MAGI1: variants seen among roughly 807,000 people sequenced by gnomAD.
The protein encoded by MAGI1 is membrane associated guanylate kinase, WW and PDZ domain containing 1.
A neutral mutation model predicts 139.9 loss-of-function variants in MAGI1; 58 were observed. That is an observed-to-expected ratio of 0.41 (90% CI 0.34 to 0.52). MAGI1 has a LOEUF of 0.52. Among genes scored for constraint, MAGI1 ranks in the 20% least tolerant of loss-of-function variants. The probability of loss-of-function intolerance (pLI) is 0.12; values close to 1 mark genes in which losing one functional copy is unlikely to be tolerated. For missense variants in MAGI1, 1,874 were observed against 1,901.6 expected (o/e 0.99, Z 0.27); for synonymous variants, 812 against 737.9 (o/e 1.10, Z -1.63).
chr3:65,779,110 T>C (rs752344262), intron 1 of MAGI1, among the ~76,000 whole-genome samples: 5 of 152,228 alleles, frequency 3.3e-5, no homozygotes, highest in Non-Finnish European at 5.9e-5. Flanking sequence ...TTTTTGACTT[T>C]CCAAAAGTTG....
Position 65,442,870 on chromosome 3 carries a change from T to C in MAGI1, c.1079-21A>G, listed in dbSNP as rs771576284. The C allele has an allele frequency of 1.9e-6, 3 of 1,604,476 alleles. No individual in the cohort carries two copies. The Admixed American group carries it at 5.0e-5, about 27-fold the overall frequency. On this transcript the variant is annotated intron_variant, in intron 7 of 22. Transcript: ENST00000402939. ...CAGTTCTGAAAAATAAAAGAACATT[T>C]AGGGCAAGAAGAGCATATTCTTGAA... is the stretch of plus-strand genomic sequence containing the variant.
chr3:65,934,076 G>A (rs185718319), intron 1 of MAGI1, among the ~76,000 whole-genome samples: 72 of 152,172 alleles, frequency 4.7e-4, no homozygotes, highest in South Asian at 2.5e-3. Context: ...AGCTGAGATC[G>A]CGCCACTGCA....
At chr3:65,469,482 G>A (rs993292907) in intron 5 of MAGI1, among the ~76,000 whole-genome samples, 30 of 151,194 alleles carry the variant, frequency 2.0e-4, no homozygotes, top group African/African-American at 6.8e-4. Flanking sequence ...TTCAAATGTC[G>A]GCTTTTTTTT....
chr3:65,976,060 C>G (rs1183631853), intron 1 of MAGI1, among the ~76,000 whole-genome samples: 1 of 152,100 alleles, frequency 6.6e-6, no homozygotes, highest in Non-Finnish European at 1.5e-5. Flanking sequence ...TTGTCCTTTG[C>G]AAGTGTTTCA....
rs71105951 is a variant in MAGI1 at position 65,921,309 on chromosome 3, A to AT, written c.313+116686dup. On this transcript the variant is annotated intron_variant, in intron 1 of 22. Coordinates refer to ENST00000402939, the MANE Select transcript of MAGI1 (RefSeq NM_001033057.2). ...ATCTGTATTTTAGCAATGACGTATAATTTTTTTTTTTTTTTTGAGACAGGG... is the reference window on the plus strand; with the variant it reads ...ATCTGTATTTTAGCAATGACGTATAATTTTTTTTTTTTTTTTTGAGACAGGG... Among the ~76,000 whole-genome samples, 963 of 143,572 alleles carry AT rather than the reference A, an allele frequency of 6.7e-3. 2 individuals carry two copies. The highest frequency in any genetic ancestry group is 0.022 in the South Asian group (99 of 4,474). The allele number at this position is 143,572 out of a possible 152,430, so 94.2% of individuals were successfully genotyped here. A position where few individuals can be genotyped will look rare whatever the true frequency, so the allele number is the denominator to read the frequency against.
At chr3:65,932,540 C>G (rs865887114) in intron 1 of MAGI1, among the ~76,000 whole-genome samples, 1 of 152,142 alleles carries the variant, frequency 6.6e-6, no homozygotes, top group Non-Finnish European at 1.5e-5. Flanking sequence ...AAGCTCCGGG[C>G]AGCCCTAGAG....
At chr3:65,407,674 T>TCA (rs1456330566) in intron 12 of MAGI1, among the ~76,000 whole-genome samples, 1 of 152,280 alleles carries the variant, frequency 6.6e-6, no homozygotes, top group East Asian at 1.9e-4. Context: ...ACATATATAT[T>TCA]CACACACATC....
intron 1 of MAGI1, among the ~76,000 whole-genome samples, chr3:66,028,843 G>GT (rs945465515): frequency 5.3e-5 from 8 of 151,834 alleles, no homozygotes; most frequent in South Asian, 2.1e-4. Flanking sequence ...AAAAAAGAGT[G>GT]TTTTTTTTCT....
intron 2 of MAGI1, among the ~76,000 whole-genome samples, chr3:65,595,467 C>T (rs2082147195): frequency 6.6e-6 from 1 of 152,166 alleles, no homozygotes; most frequent in Non-Finnish European, 1.5e-5. Flanking sequence ...CAGGGGCCAC[C>T]TCACAAATTG....
At chr3:65,500,724 A>G (rs986472232) in intron 2 of MAGI1, among the ~76,000 whole-genome samples, 3 of 152,212 alleles carry the variant, frequency 2.0e-5, no homozygotes, top group South Asian at 2.1e-4. Flanking sequence ...CAACTGTCCA[A>G]ATGGTCTTAT....
chr3:65,932,574 G>T (rs868005978), intron 1 of MAGI1, among the ~76,000 whole-genome samples: 4 of 152,252 alleles, frequency 2.6e-5, no homozygotes, highest in Middle Eastern at 6.8e-3. Flanking sequence ...AGCAATGGCT[G>T]ATTGCCTTAG....
intron 1 of MAGI1, among the ~76,000 whole-genome samples, chr3:65,640,738 C>T (rs1479713510): frequency 6.6e-6 from 1 of 152,172 alleles, no homozygotes; most frequent in Admixed American, 6.5e-5. Context: ...TATATACTGA[C>T]GTATTTACCC....
chr3:65,582,919 T>G (rs536627835), intron 2 of MAGI1, among the ~76,000 whole-genome samples: 1 of 152,374 alleles, frequency 6.6e-6, no homozygotes, highest in East Asian at 1.9e-4. Context: ...CCATCAGCAC[T>G]GTGCAACACA....
intron 1 of MAGI1, among the ~76,000 whole-genome samples, chr3:65,938,736 A>C (rs1458571550): frequency 6.6e-6 from 1 of 152,184 alleles, no homozygotes; most frequent in East Asian, 1.9e-4. Flanking sequence ...TGTAACAATG[A>C]CCTAAGATTT....
At chr3:65,905,006 G>A (rs539974948) in intron 1 of MAGI1, among the ~76,000 whole-genome samples, 7 of 152,258 alleles carry the variant, frequency 4.6e-5, no homozygotes, top group Admixed American at 2.0e-4. Flanking sequence ...TAGGTACTCC[G>A]TATAGGGGAT....
intron 1 of MAGI1, among the ~76,000 whole-genome samples, chr3:66,021,355 GA>G (rs2067950154): frequency 6.6e-6 from 1 of 152,180 alleles, no homozygotes; most frequent in Admixed American, 6.5e-5. Flanking sequence ...TGGTACAGAG[GA>G]AAAGGTCCCT....
intron 1 of MAGI1, among the ~76,000 whole-genome samples, chr3:65,702,925 G>A (rs150814163): frequency 1.5e-4 from 23 of 151,902 alleles, no homozygotes; most frequent in East Asian, 9.8e-4. Context: ...GTGAGAAACC[G>A]TCTTCCTTAG....
chr3:65,555,151 G>T (rs1479365606), intron 2 of MAGI1, among the ~76,000 whole-genome samples: 1 of 152,046 alleles, frequency 6.6e-6, no homozygotes, highest in Non-Finnish European at 1.5e-5. Flanking sequence ...GAAATTAAAA[G>T]GTTTTTTTAA....
intron 1 of MAGI1, among the ~76,000 whole-genome samples, chr3:65,927,687 C>A (rs2062590909): frequency 1.3e-5 from 2 of 152,120 alleles, no homozygotes; most frequent in Admixed American, 1.3e-4. Context: ...GAAAACCTGG[C>A]TTGGCTGGCA....
Sources: gnomAD v4.1 joint callset for allele counts (sites outside exome capture counted in the v4.1 genomes callset) on GRCh38, gnomAD v4.1.1 for gene constraint, MANE v1.5 for transcripts, NCBI Gene and HGNC (gene_info 2026-07-23, HGNC 2026-07-21) for gene names.